The following ARHGAP24 variants were observed in gnomAD, a reference collection of about 807,000 sequenced individuals.
ARHGAP24 encodes the protein Rho GTPase activating protein 24.
A neutral mutation model predicts 76.4 loss-of-function variants in ARHGAP24; 50 were observed. That is an observed-to-expected ratio of 0.65 (90% CI 0.52 to 0.83). The LOEUF (loss-of-function observed/expected upper bound fraction) is 0.83. ARHGAP24 is among the 40% of genes least tolerant of loss of function. The pLI is 0.00. For synonymous variants in ARHGAP24, 345 were observed against 323.3 expected (o/e 1.07, Z -0.72); for missense variants, 930 against 914.2 (o/e 1.02, Z -0.22).
chr4:85,788,888 A>T (rs998568116), intron 3 of ARHGAP24, among the ~76,000 whole-genome samples: 2 of 152,188 alleles, frequency 1.3e-5, no homozygotes, highest in East Asian at 3.9e-4. Flanking sequence ...AAGGACAGAA[A>T]GGAAAATTAC....
chr4:85,912,902 A>G (rs1454712882), intron 3 of ARHGAP24, among the ~76,000 whole-genome samples: 4 of 151,968 alleles, frequency 2.6e-5, no homozygotes, highest in Non-Finnish European at 5.9e-5. Flanking sequence ...TGTATTTGTA[A>G]AGTAACATAC....
intron 3 of ARHGAP24, among the ~76,000 whole-genome samples, chr4:85,867,784 A>G (rs73833941): frequency 0.029 from 4,402 of 150,070 alleles, 135 homozygotes; most frequent in African/African-American, 0.079. Context: ...TAGATCATCT[A>G]GATTATTTTT....
At chr4:85,595,736 A>C (rs1719805725) in intron 2 of ARHGAP24, among the ~76,000 whole-genome samples, 1 of 152,090 alleles carries the variant, frequency 6.6e-6, no homozygotes, top group African/African-American at 2.4e-5. Flanking sequence ...ATGACAAAAA[A>C]ATCCCAAAGA....
intron 3 of ARHGAP24, among the ~76,000 whole-genome samples, chr4:85,885,308 G>A (rs1191363224): frequency 6.6e-6 from 1 of 151,962 alleles, no homozygotes. Context: ...GCTTATATTT[G>A]CTTCTGGAAA....
At chr4:85,998,522 G>A (rs866081406) in intron 9 of ARHGAP24, among the ~76,000 whole-genome samples, 17 of 151,488 alleles carry the variant, frequency 1.1e-4, no homozygotes, top group African/African-American at 3.6e-4. Context: ...TCATCTTTTT[G>A]TCTATTTCAT....
At chr4:85,818,071 T>G (rs1234976618) in intron 3 of ARHGAP24, among the ~76,000 whole-genome samples, 1 of 152,220 alleles carries the variant, frequency 6.6e-6, no homozygotes, top group Non-Finnish European at 1.5e-5. Flanking sequence ...AATGACATTA[T>G]ATCAAGAAGT....
intron 3 of ARHGAP24, among the ~76,000 whole-genome samples, chr4:85,806,846 G>A (rs1728813476): frequency 6.6e-6 from 1 of 152,196 alleles, no homozygotes; most frequent in African/African-American, 2.4e-5. Flanking sequence ...GCTACATATG[G>A]CTTTTTCCCA....
At chr4:85,688,057 C>T (rs1327829995) in intron 2 of ARHGAP24, among the ~76,000 whole-genome samples, 3 of 152,156 alleles carry the variant, frequency 2.0e-5, no homozygotes, top group Non-Finnish European at 4.4e-5. Context: ...AGATAATCCG[C>T]CCGCCTTGGC....
Position 85,942,232 on chromosome 4 carries a change from C to G in ARHGAP24, c.558C>G (p.Leu186=), listed in dbSNP as rs759148343. The G allele has an allele frequency of 5.0e-6, 8 of 1,613,980 alleles. No individual in the cohort carries two copies. Among genetic ancestry groups the G allele is most frequent in the Middle Eastern group, 1.7e-4 (1 of 6,016 alleles). The change falls in exon 5 of 10, where the codon CTC becomes CTG. Residue 186 remains leucine (L), a synonymous_variant. Transcript: ENST00000395184. Reference sequence around the variant, plus strand: ...GCCAGGCTAATCTTGTTAAGGAGCTCCAAGATGCCTTTGACTGTGGGGAGA... The same window carrying G: ...GCCAGGCTAATCTTGTTAAGGAGCTGCAAGATGCCTTTGACTGTGGGGAGA... The part of the protein sequence containing the change: ...LPGQANLVKE[L]QDAFDCGEKP...
Position 85,564,471 on chromosome 4 carries a change from A to G in ARHGAP24, c.-20-6051A>G, listed in dbSNP as rs531644924. 1.3e-3 allele frequency among the ~76,000 whole-genome samples: 200 copies of G among 151,930 alleles called. 2 individuals carry two copies. Among genetic ancestry groups the G allele is most frequent in the Middle Eastern group, 3.4e-3 (1 of 292 alleles). On this transcript the variant is annotated intron_variant, in intron 1 of 9. Coordinates refer to ENST00000395184, the MANE Select transcript of ARHGAP24 (RefSeq NM_001025616.3). Reference sequence around the variant, plus strand: ...ACGAGTTAATGGGTGCAGCACACCAACATGGCACATGTATACATATGTAAC... The same window carrying G: ...ACGAGTTAATGGGTGCAGCACACCAGCATGGCACATGTATACATATGTAAC...
chr4:85,813,666 C>T (rs1729106220), intron 3 of ARHGAP24, among the ~76,000 whole-genome samples: 1 of 151,502 alleles, frequency 6.6e-6, no homozygotes. Context: ...CCACTGCCAG[C>T]TTTATTAAGG....
intron 2 of ARHGAP24, among the ~76,000 whole-genome samples, chr4:85,631,898 T>G (rs1162619152): frequency 6.6e-6 from 1 of 152,072 alleles, no homozygotes; most frequent in Non-Finnish European, 1.5e-5. Context: ...GATTTGATAT[T>G]TTTACCTAGC....
intron 3 of ARHGAP24, among the ~76,000 whole-genome samples, chr4:85,761,533 T>A (rs1438299220): frequency 6.6e-6 from 1 of 152,166 alleles, no homozygotes; most frequent in Non-Finnish European, 1.5e-5. Flanking sequence ...TGAGTGAAAG[T>A]GGTTAAAGGG....
At chr4:85,762,685 C>T (rs1726776363) in intron 3 of ARHGAP24, among the ~76,000 whole-genome samples, 1 of 152,112 alleles carries the variant, frequency 6.6e-6, no homozygotes, top group African/African-American at 2.4e-5. Context: ...TGGGATTCTT[C>T]CAGGTCCGTC....
intron 2 of ARHGAP24, among the ~76,000 whole-genome samples, chr4:85,678,542 C>G (rs1450846352): frequency 6.6e-6 from 1 of 151,974 alleles, no homozygotes; most frequent in East Asian, 1.9e-4. Flanking sequence ...AAAACAAGAG[C>G]CAAATAATAA....
At chr4:85,634,963 G>C (rs1721268868) in intron 2 of ARHGAP24, among the ~76,000 whole-genome samples, 1 of 151,672 alleles carries the variant, frequency 6.6e-6, no homozygotes, top group South Asian at 2.1e-4. Flanking sequence ...TGAATCTTTA[G>C]ATGTATACAT....
At chr4:85,665,284 C>T (rs1722567510) in intron 2 of ARHGAP24, among the ~76,000 whole-genome samples, 1 of 151,976 alleles carries the variant, frequency 6.6e-6, no homozygotes, top group Admixed American at 6.6e-5. Flanking sequence ...TTCTTTGTCT[C>T]TTTTGATCTT....
chr4:85,619,759 G>GT (rs1474157729), intron 2 of ARHGAP24, among the ~76,000 whole-genome samples: 3 of 151,718 alleles, frequency 2.0e-5, no homozygotes, highest in African/African-American at 7.3e-5. Context: ...GTAGTTTATT[G>GT]TTAGTGTATA....
intron 2 of ARHGAP24, among the ~76,000 whole-genome samples, chr4:85,700,416 T>A (rs10025740): frequency 0.14 from 4,543 of 33,064 alleles, 323 homozygotes; most frequent in African/African-American, 0.19. Flanking sequence ...AATAAATAAA[T>A]AAAGAAGAAG....
Sources: gnomAD v4.1 joint callset for allele counts (sites outside exome capture counted in the v4.1 genomes callset) on GRCh38, gnomAD v4.1.1 for gene constraint, MANE v1.5 for transcripts, NCBI Gene and HGNC (gene_info 2026-07-23, HGNC 2026-07-21) for gene names.